TRIM37: variants seen among roughly 807,000 people sequenced by gnomAD.
TRIM37 encodes the protein E3 ubiquitin-protein ligase TRIM37.
TRIM37 carries 80 observed loss-of-function variants against 129.8 expected under a neutral mutation model. The observed-to-expected ratio is 0.62, with a 90% CI of 0.51 to 0.74. The LOEUF is 0.74. TRIM37 is among the 30% of genes least tolerant of loss of function. The pLI, the probability that TRIM37 is intolerant of heterozygous loss-of-function variation, is 0.00. For missense variants in TRIM37, 1,054 were observed against 1,176.5 expected (o/e 0.90, Z 1.52); for synonymous variants, 389 against 387.1 (o/e 1.00, Z -0.06).
Position 59,015,707 on chromosome 17 carries a change from C to G in TRIM37, c.2479G>C (p.Asp827His). The change falls in exon 21 of 24, where the codon GAC (aspartate) becomes CAC (histidine). Residue 827 changes from aspartate (D) to histidine (H), a missense_variant. Physicochemically the swap from Asp to His is moderately conservative, Grantham distance 81. This residue lies in a region of TRIM37 where 287 missense variants were observed against 274.3 expected (regional missense o/e 1.05). Transcript: ENST00000262294. Reference sequence around the variant, plus strand: ...GAATCCAAAGCTTTACACTGCCGGTCTTCAGTTTTTGGCAGAATATCACCG... The same window carrying G: ...GAATCCAAAGCTTTACACTGCCGGTGTTCAGTTTTTGGCAGAATATCACCG... ...SIGDILPKTEDRQCKALDSDA... is the reference protein window; with the variant it reads ...SIGDILPKTEHRQCKALDSDA... The G allele has an allele frequency of 1.9e-6, 3 of 1,614,136 alleles. No individual in the cohort carries two copies. The highest frequency in any genetic ancestry group is 2.5e-6 in the Non-Finnish European group (3 of 1,180,036).
At chr17:59,061,148 G>C (rs189421976) in intron 11 of TRIM37, 40 bp from the exon 12 acceptor site, 2 of 1,558,696 alleles carry the variant, frequency 1.3e-6, no homozygotes, top group Admixed American at 3.4e-5. Context: ...AAAAAATTAA[G>C]CCACAATAAA....
In TRIM37 at chr17:59,088,390, C is replaced by T. The variant is rs1047860539; in HGVS notation, c.182G>A (p.Arg61Gln). 7 of 1,612,656 alleles carry T rather than the reference C, an allele frequency of 4.3e-6. No individual in the cohort carries two copies. Among genetic ancestry groups the T allele is most frequent in the East Asian group, 2.2e-5 (1 of 44,870 alleles). The change falls in exon 4 of 24, where the codon CGA (arginine) becomes CAA (glutamine). Residue 61 changes from arginine (R) to glutamine (Q), a missense_variant. This residue lies in a region of TRIM37 where 752 missense variants were observed against 870.8 expected (regional missense o/e 0.86). Transcript: ENST00000262294. ...TGCCCAACGACAATTTACTAGTTCT[C>T]GTAGCTGGAGTGGAGCACTGGGGAG... ...CPHCRAPLQL[R>Q]ELVNCRWAEE...
At chr17:58,994,354 TA>T (rs1020329177), downstream of TRIM37, among the ~76,000 whole-genome samples, 23 of 152,020 alleles carry the variant, frequency 1.5e-4, no homozygotes, top group South Asian at 4.2e-4. Flanking sequence ...TAAAAAATAA[TA>T]AAAAAAATAG....
rs182078999 is a variant in TRIM37, at chr17:59,068,490, T to A, written c.809+2333A>T. Among the ~76,000 whole-genome samples, 13 of 152,340 alleles carry A rather than the reference T, an allele frequency of 8.5e-5. No homozygotes were observed. In the East Asian group the frequency reaches 2.5e-3, roughly 29 times the overall value. On this transcript the variant is annotated intron_variant, in intron 9 of 23. Coordinates refer to ENST00000262294, the MANE Select transcript of TRIM37 (RefSeq NM_015294.6). ...AAAATCTGTTTCATTCCACAGGGGA[T>A]GAAATGGTTCAGAAAACAAATCTTC...
rs545753841 is a variant in TRIM37 at position 59,096,240 on chromosome 17, CAAAA to C, written c.124-4904_124-4901del. Among the ~76,000 whole-genome samples, 49 of 150,458 alleles carry C rather than the reference CAAAA, an allele frequency of 3.3e-4. 1 individual carries two copies. The East Asian group carries it at 8.9e-3, about 27-fold the overall frequency. On this transcript the variant is annotated intron_variant, in intron 2 of 23. Coordinates refer to ENST00000262294, the MANE Select transcript of TRIM37 (RefSeq NM_015294.6). ...AATTACTGTTAGTGTAACAGGAGACCAAAAAAAGAGAGTTTAAAAAAAAAACATC... is the reference window on the plus strand; with the variant it reads ...AATTACTGTTAGTGTAACAGGAGACCAAAGAGAGTTTAAAAAAAAAACATC...
At chr17:59,076,240 A>C (rs1375488343) in intron 7 of TRIM37, among the ~76,000 whole-genome samples, 2 of 152,210 alleles carry the variant, frequency 1.3e-5, no homozygotes, top group African/African-American at 4.8e-5. Context: ...GAGACAGAAA[A>C]GGATAAACAA....
chr17:58,980,104 G>C (rs772190439), downstream of TRIM37: 6 of 1,614,162 alleles, frequency 3.7e-6, no homozygotes, highest in Non-Finnish European at 5.1e-6. This position sits in a 1 kb window ranked among gnomAD's most constrained non-coding sequence, Gnocchi z 4.7. Flanking sequence ...ATGAGGCAGT[G>C]AAAGTTGTGT....
At chr17:59,052,942 G>C (rs574412860) in intron 13 of TRIM37, among the ~76,000 whole-genome samples, 1 of 146,304 alleles carries the variant, frequency 6.8e-6, no homozygotes, top group Non-Finnish European at 1.5e-5. Context: ...GCAACAGAGC[G>C]AAACTCTGTC....
At chr17:59,089,365 A>G (rs2044067666) in intron 3 of TRIM37, among the ~76,000 whole-genome samples, 1 of 152,118 alleles carries the variant, frequency 6.6e-6, no homozygotes, top group Non-Finnish European at 1.5e-5. Context: ...AATTTTGGCC[A>G]GGTGCAGTGG....
At chr17:58,978,634 C>A (rs2031171562), downstream of TRIM37, among the ~76,000 whole-genome samples, 2 of 152,244 alleles carry the variant, frequency 1.3e-5, no homozygotes, top group African/African-American at 4.8e-5. Flanking sequence ...TTGCTGGAAC[C>A]TGGGAGGCAG....
intron 8 of TRIM37, among the ~76,000 whole-genome samples, chr17:59,073,962 T>C (rs566512926): frequency 6.6e-6 from 1 of 152,342 alleles, no homozygotes; most frequent in African/African-American, 2.4e-5. Context: ...CTCTAGAATA[T>C]ATTCTAGAAT....
chr17:58,999,609 GA>G, intron 23 of TRIM37, 150 bp from the exon 24 acceptor site: 1 of 717,940 alleles, frequency 1.4e-6, no homozygotes, highest in Non-Finnish European at 2.2e-6. Context: ...TGTCTTCAGA[GA>G]ATTTGTGATC....
chr17:59,091,218 G>T, intron 3 of TRIM37, 82 bp downstream of exon 3: 1 of 1,047,924 alleles, frequency 9.5e-7, no homozygotes, highest in Non-Finnish European at 1.4e-6. Flanking sequence ...CAGACTGCAG[G>T]AAAACTGCCT....
chr17:59,093,482 C>T (rs1722660934), intron 2 of TRIM37, among the ~76,000 whole-genome samples: 1 of 152,178 alleles, frequency 6.6e-6, no homozygotes, highest in Non-Finnish European at 1.5e-5. Context: ...TCATAAGTTG[C>T]TTTCTCCAAA....
Position 59,061,080 on chromosome 17 carries a change from T to C in TRIM37, c.971A>G (p.Tyr324Cys), listed in dbSNP as rs758947390. Residue 324 changes from tyrosine to cysteine, a missense_variant, in exon 12 of 24, where the codon TAC becomes TGC. Transcript: ENST00000262294. ...TGAGAGCTCCAGAAACACAGATAAG[T>C]AGTAACCTCGCACAACTCCATTTCC... ...PDGNGVVRGY[Y>C]LSVFLELSAG... 1.2e-6 allele frequency: 2 copies of C among 1,613,622 alleles called. No homozygotes were observed. The highest frequency in any genetic ancestry group is 8.5e-7 in the Non-Finnish European group (1 of 1,179,698).
At chr17:59,056,839 A>G (rs28609668) in intron 13 of TRIM37, 36 bp downstream of exon 13, 2 of 1,534,706 alleles carry the variant, frequency 1.3e-6, no homozygotes, top group Non-Finnish European at 8.9e-7. Flanking sequence ...TTATTTCCCC[A>G]CAATAAAAAC....
intron 24 of TRIM37, among the ~76,000 whole-genome samples, chr17:58,989,383 C>G (rs1028293612): frequency 6.6e-6 from 1 of 152,026 alleles, no homozygotes; most frequent in African/African-American, 2.4e-5. Flanking sequence ...TTGCAGTGAG[C>G]TGAGATTGCA....
chr17:59,021,939 T>A (rs138779013), intron 19 of TRIM37, among the ~76,000 whole-genome samples: 5 of 152,114 alleles, frequency 3.3e-5, no homozygotes, highest in African/African-American at 1.2e-4. Context: ...ATTAAAAATA[T>A]GAGGAAACCA....
intron 2 of TRIM37, among the ~76,000 whole-genome samples, chr17:59,095,697 C>T (rs188256757): frequency 6.6e-5 from 10 of 152,222 alleles, no homozygotes; most frequent in Non-Finnish European, 5.9e-5. Context: ...TATATACATA[C>T]AAAAACATGC....
Sources: gnomAD v4.1 joint callset for allele counts (sites outside exome capture counted in the v4.1 genomes callset) on GRCh38, gnomAD v4.1.1 for gene constraint, gnomAD v4.1.1 regional missense constraint, Gnocchi (gnomAD v3.1) non-coding constraint, MANE v1.5 for transcripts, NCBI Gene and HGNC (gene_info 2026-07-23, HGNC 2026-07-21) for gene names.